NF1: variants seen among roughly 807,000 people sequenced by gnomAD.
NF1 encodes neurofibromin.
In NF1, 122 loss-of-function variants were observed where a neutral mutation model predicts 325.7. The ratio of observed to expected loss-of-function variants is 0.37; its 90% CI spans 0.32 to 0.44. The LOEUF is 0.44. NF1 is among the 20% of genes least tolerant of loss of function. The pLI is 1.00. For missense variants in NF1, 2,140 were observed against 3,415.4 expected (o/e 0.63, Z 9.31); for synonymous variants, 1,091 against 1,186.0 (o/e 0.92, Z 1.65).
intron 1 of NF1, among the ~76,000 whole-genome samples, chr17:31,140,107 T>G (rs1916109386): frequency 6.6e-6 from 1 of 152,230 alleles, no homozygotes; most frequent in Non-Finnish European, 1.5e-5. Flanking sequence ...ACAAGAAAGA[T>G]ACCTTCCCTG....
chr17:31,275,040 C>CT (rs879326676), intron 36 of NF1, among the ~76,000 whole-genome samples: 3 of 152,154 alleles, frequency 2.0e-5, no homozygotes, highest in Admixed American at 2.0e-4. Flanking sequence ...CTCCAGGCCT[C>CT]TTCATGATGA....
intron 5 of NF1, among the ~76,000 whole-genome samples, chr17:31,173,585 C>T (rs1256512458): frequency 1.5e-5 from 2 of 131,924 alleles, no homozygotes; most frequent in African/African-American, 3.0e-5. Context: ...ACAACAAGAC[C>T]GAAACTCCAT....
At chr17:31,164,708 CAG>C (rs1729554771) in intron 4 of NF1, among the ~76,000 whole-genome samples, 2 of 152,142 alleles carry the variant, frequency 1.3e-5, no homozygotes, top group South Asian at 4.1e-4. Flanking sequence ...TGATTAACTT[CAG>C]AGTCCTGCAA....
At position 31,225,221 on chromosome 17, in the gene NF1, C is replaced by T. The variant is rs763901597; in HGVS notation, c.1972C>T (p.Leu658Phe). Residue 658 changes from leucine (L) to phenylalanine (F), a missense_variant, in exon 17 of 58, where the codon CTC becomes TTC. Leu to Phe is a conservative substitution (Grantham distance 22, BLOSUM62 0). Transcript: ENST00000358273. ...EELLRTPGAS[L>F]RKGKGNSSMD... ...ATTACTACGTACTCCTGGAGCCTCTCTCCGGAAGGGAAAAGGGAACTCCTC... is the reference window on the plus strand; with the variant it reads ...ATTACTACGTACTCCTGGAGCCTCTTTCCGGAAGGGAAAAGGGAACTCCTC... 59 of 1,613,670 alleles carry T rather than the reference C, an allele frequency of 3.7e-5. No homozygotes were observed. The highest frequency in any genetic ancestry group is 4.7e-5 in the Non-Finnish European group (56 of 1,179,760).
chr17:31,324,408 A>G (rs2069290604), intron 36 of NF1, among the ~76,000 whole-genome samples: 1 of 152,096 alleles, frequency 6.6e-6, no homozygotes, highest in Admixed American at 6.6e-5. Flanking sequence ...ATGTGTAATG[A>G]TTAAATCAGG....
chr17:31,336,607 T>TTAA lies in NF1; in HGVS notation c.6148-28_6148-27insTAA. 28 of 1,456,206 alleles carry TTAA rather than the reference T, an allele frequency of 1.9e-5. No individual in the cohort carries two copies. The highest frequency in any genetic ancestry group is 2.1e-4 in the Middle Eastern group (1 of 4,858). The allele number at this position is 1,456,206 out of a possible 1,614,324, so 90.2% of individuals were successfully genotyped here. A position where few individuals can be genotyped will look rare whatever the true frequency, so the allele number is the denominator to read the frequency against. On this transcript the variant is annotated intron_variant, in intron 41 of 57. Transcript: ENST00000358273. This position sits in a 1 kb window ranked among gnomAD's most constrained non-coding sequence, Gnocchi z 5.5. ...ACTTTGAGTCCCATGTTTTTTTTTTTAAAAAAAAAAATCCTGCTTCTTTAC... is the reference window on the plus strand; with the variant it reads ...ACTTTGAGTCCCATGTTTTTTTTTTTTAAAAAAAAAAAAATCCTGCTTCTTTAC...
intron 36 of NF1, chr17:31,294,970 G>C (rs776552912): frequency 3.1e-6 from 5 of 1,613,480 alleles, no homozygotes; most frequent in Non-Finnish European, 4.2e-6. Context: ...CTGTACATCA[G>C]GGAGGAGTGC....
rs375896671 is a variant in NF1 at position 31,248,955 on chromosome 17, G to T, written c.3975-29G>T. 1.1e-5 allele frequency: 18 copies of T among 1,611,238 alleles called. No homozygotes were observed. The African/African-American group carries it at 1.9e-4, about 17-fold the overall frequency. Reference sequence around the variant, plus strand: ...TTTGTTATTTGTTTTAAACAAAAGTGTTAGGATTTTATTTTTATTTTTTTG... The same window carrying T: ...TTTGTTATTTGTTTTAAACAAAAGTTTTAGGATTTTATTTTTATTTTTTTG... On this transcript the variant is annotated intron_variant, in intron 29 of 57. Transcript: ENST00000358273.
At chr17:31,151,375 A>G (rs561731936) in intron 1 of NF1, among the ~76,000 whole-genome samples, 13 of 152,324 alleles carry the variant, frequency 8.5e-5, no homozygotes, top group Admixed American at 2.6e-4. Flanking sequence ...AATATATTTA[A>G]TGATTCCTAT....
At chr17:31,360,326 T>G in intron 56 of NF1, 161 bp from the exon 57 acceptor site, 1 of 665,248 alleles carries the variant, frequency 1.5e-6, no homozygotes, top group South Asian at 1.8e-5. Flanking sequence ...GTAAGTCCTA[T>G]GGTAGTCTAT....
intron 35 of NF1, among the ~76,000 whole-genome samples, chr17:31,262,366 T>A (rs1401339116): frequency 6.6e-6 from 1 of 152,262 alleles, no homozygotes; most frequent in African/African-American, 2.4e-5. Flanking sequence ...GACATTTGTT[T>A]GAATCCCATT....
intron 29 of NF1, among the ~76,000 whole-genome samples, chr17:31,237,913 T>C (rs1189211023): frequency 6.6e-6 from 1 of 152,110 alleles, no homozygotes; most frequent in African/African-American, 2.4e-5. Flanking sequence ...CACTCTGACA[T>C]GTCAAGAGCT....
chr17:31,162,646 G>C (rs979681166), intron 3 of NF1, among the ~76,000 whole-genome samples: 24 of 152,284 alleles, frequency 1.6e-4, no homozygotes, highest in African/African-American at 5.5e-4. Flanking sequence ...ATTCTTTTAA[G>C]AGATGCCAAG....
At chr17:31,356,627 A>AACT (rs574331714) in intron 52 of NF1, 45 bp downstream of exon 52, 882 of 1,610,440 alleles carry the variant, frequency 5.5e-4, no homozygotes, top group Middle Eastern at 4.8e-3. Flanking sequence ...ATAAGGTGGG[A>AACT]GAGTACATGA....
intron 6 of NF1, 93 bp downstream of exon 6, chr17:31,181,582 A>G: frequency 7.5e-7 from 1 of 1,330,228 alleles, no homozygotes; most frequent in South Asian, 1.2e-5. Flanking sequence ...GACTTGAGTG[A>G]TAGTTTCACA....
chr17:31,243,697 TC>T (rs2151445872), intron 29 of NF1, among the ~76,000 whole-genome samples: 1 of 151,572 alleles, frequency 6.6e-6, no homozygotes, highest in East Asian at 2.0e-4. Flanking sequence ...TCTGAGTCTC[TC>T]CCTTAAGGCC....
intron 1 of NF1, among the ~76,000 whole-genome samples, chr17:31,103,187 C>T (rs992226807): frequency 2.0e-5 from 3 of 151,794 alleles, no homozygotes; most frequent in African/African-American, 7.3e-5. Flanking sequence ...TTGCCCTACT[C>T]TTTTTATTTG....
intron 51 of NF1, among the ~76,000 whole-genome samples, chr17:31,355,230 A>C (rs1443283517): frequency 6.6e-6 from 1 of 152,208 alleles, no homozygotes; most frequent in Non-Finnish European, 1.5e-5. Flanking sequence ...AAGGAAAACT[A>C]AATGTAGAAA....
At position 31,360,277 on chromosome 17, in the gene NF1, G is replaced by A. The variant is rs553389673; in HGVS notation, c.8161-210G>A. On this transcript the variant is annotated intron_variant, in intron 56 of 57. Coordinates refer to ENST00000358273, the MANE Select transcript of NF1 (RefSeq NM_001042492.3). ...TGTGCATGGCTTTCAGAAAATGCAG[G>A]TTCATCTGGAAGCTTTAAGCTGAAT... is the stretch of plus-strand genomic sequence containing the variant. The A allele has an allele frequency of 5.4e-5, 31 of 577,672 alleles. No individual in the cohort carries two copies. The South Asian group carries it at 6.1e-4, about 11-fold the overall frequency. 35.8% of individuals were successfully genotyped at this position (577,672 alleles called of 1,614,324 possible).
Sources: allele counts gnomAD v4.1 joint callset (sites outside exome capture counted in the v4.1 genomes callset), GRCh38; gene constraint gnomAD v4.1.1; non-coding constraint Gnocchi (gnomAD v3.1); transcripts MANE v1.5; gene names NCBI Gene and HGNC (gene_info 2026-07-23, HGNC 2026-07-21).